Variants in RTN1 observed in about 807,000 individuals in gnomAD.
RTN1 encodes reticulon-1.
RTN1 carries 25 observed loss-of-function variants against 65.5 expected under a neutral mutation model. That is an observed-to-expected ratio of 0.38 (90% CI 0.28 to 0.53). The LOEUF (loss-of-function observed/expected upper bound fraction) is 0.53, where lower values mean the gene tolerates loss of function less well. RTN1 is among the 20% of genes least tolerant of loss of function. RTN1 has a pLI of 0.79. For synonymous variants in RTN1, 471 were observed against 447.6 expected, an observed-to-expected ratio of 1.05 and a Z score of -0.66; for missense variants, 983 against 1,025.4, an observed-to-expected ratio of 0.96 and a Z score of 0.57.
At chr14:59,713,037 T>C (rs752656098) in intron 3 of RTN1, among the ~76,000 whole-genome samples, 2 of 152,130 alleles carry the variant, frequency 1.3e-5, no homozygotes, top group Non-Finnish European at 2.9e-5. Context: ...TTACCTAAAT[T>C]ATCTCAAATA....
At position 59,741,781 on chromosome 14, in the gene RTN1, C is replaced by T. The variant is rs1184720727; in HGVS notation, c.1015+3927G>A. Among the ~76,000 whole-genome samples, 4 of 152,180 alleles carry T rather than the reference C, an allele frequency of 2.6e-5. No homozygotes were observed. The East Asian group carries it at 7.7e-4, about 29-fold the overall frequency. On this transcript the variant is annotated intron_variant, in intron 2 of 8. Transcript: ENST00000267484. ...TTCTCATATAATACAGACTCAGGCC[C>T]TGTGCATTTGCTATTCCCCCACACC... is the stretch of plus-strand genomic sequence containing the variant.
chr14:59,605,488 CTCA>C lies in RTN1; in HGVS notation c.1989_1991del (p.Glu664del). On this transcript the variant is annotated inframe_deletion, in exon 5 of 9. Transcript: ENST00000267484. ...GAATCTGCTCCTGAGAAAGGGTGAT[CTCA>C]AGCTCCAAGTAGGCCCTGTCAACAA... is the stretch of plus-strand genomic sequence containing the variant. The C allele has an allele frequency of 1.2e-6, 2 of 1,614,060 alleles. No individual in the cohort carries two copies. Among genetic ancestry groups the C allele is most frequent in the South Asian group, 1.1e-5 (1 of 91,042 alleles).
At chr14:59,684,356 T>A (rs371380707) in intron 3 of RTN1, among the ~76,000 whole-genome samples, 7 of 152,192 alleles carry the variant, frequency 4.6e-5, no homozygotes, top group African/African-American at 1.7e-4. Flanking sequence ...TTATACAATT[T>A]ACATATTTTT....
In RTN1 at chr14:59,825,611, C is replaced by T. The variant is rs1887017244; in HGVS notation, c.241+44779G>A. Reference sequence around the variant, plus strand: ...AGCAGGGCCTTCTCCCAGAAGCACCCCTGCTGGAAGGCCAGCCTAGTGCCA... The same window carrying T: ...AGCAGGGCCTTCTCCCAGAAGCACCTCTGCTGGAAGGCCAGCCTAGTGCCA... On this transcript the variant is annotated intron_variant, in intron 1 of 8. Transcript: ENST00000267484. The surrounding 1 kb of genome is among the most constrained non-coding windows in gnomAD (Gnocchi z 4.2). 6.6e-6 allele frequency among the ~76,000 whole-genome samples: 1 copy of T among 152,224 alleles called. No homozygotes were observed. Among genetic ancestry groups the T allele is most frequent in the African/African-American group, 2.4e-5 (1 of 41,450 alleles).
rs1437528670 is a variant in RTN1 at position 59,749,214 on chromosome 14, A to C, written c.242-2733T>G. Among the ~76,000 whole-genome samples, 2 of 89,264 alleles carry C rather than the reference A, an allele frequency of 2.2e-5. 1 individual carries two copies. The highest frequency in any genetic ancestry group is 1.7e-4 in the African/African-American group (2 of 12,102). 58.6% of individuals were successfully genotyped at this position (89,264 alleles called of 152,430 possible). A position where few individuals can be genotyped will look rare whatever the true frequency, so the allele number is the denominator to read the frequency against. ...TATATATATCTATATATATATCTAT[A>C]TATATCTATATATCTATATATATCT... On this transcript the variant is annotated intron_variant, in intron 1 of 8. Transcript: ENST00000267484.
At chr14:59,677,799 T>C (rs1883659123) in intron 3 of RTN1, among the ~76,000 whole-genome samples, 1 of 152,172 alleles carries the variant, frequency 6.6e-6, no homozygotes, top group Non-Finnish European at 1.5e-5. Context: ...AACTCAGGAA[T>C]CATGACCTCA....
chr14:59,722,699 C>A (rs1275528192), intron 3 of RTN1, among the ~76,000 whole-genome samples: 1 of 150,586 alleles, frequency 6.6e-6, no homozygotes, highest in African/African-American at 2.4e-5. Flanking sequence ...TAAAGAAATT[C>A]TTGAAGAACA....
At chr14:59,764,322 A>G (rs1400074664) in intron 1 of RTN1, among the ~76,000 whole-genome samples, 1 of 151,162 alleles carries the variant, frequency 6.6e-6, no homozygotes, top group Non-Finnish European at 1.5e-5. Context: ...GTGAAGTGCT[A>G]CTTTTTTTTT....
chr14:59,770,378 C>CAAAAAAAAAAAAAA (rs774086177), intron 1 of RTN1, among the ~76,000 whole-genome samples: 1 of 53,752 alleles, frequency 1.9e-5, no homozygotes. Context: ...AACTCTGCCT[C>CAAAAAAAAAAAAAA]AAAAAAAAAA....
At chr14:59,704,847 G>A (rs190072703) in intron 3 of RTN1, among the ~76,000 whole-genome samples, 6 of 152,192 alleles carry the variant, frequency 3.9e-5, no homozygotes, top group South Asian at 2.1e-4. Flanking sequence ...GACCATAGAC[G>A]TATCATTTTG....
chr14:59,842,121 A>G (rs1044463091), intron 1 of RTN1, among the ~76,000 whole-genome samples: 1 of 151,746 alleles, frequency 6.6e-6, no homozygotes, highest in African/African-American at 2.4e-5. Flanking sequence ...GCAAGACTCC[A>G]TTCTTGAAAA....
chr14:59,756,211 G>A (rs1885633498), intron 1 of RTN1, among the ~76,000 whole-genome samples: 1 of 152,174 alleles, frequency 6.6e-6, no homozygotes, highest in Non-Finnish European at 1.5e-5. Flanking sequence ...TTGGAATCAT[G>A]TTTTGGATTT....
chr14:59,727,435 A>G lies in RTN1; in HGVS notation c.1249T>C (p.Ser417Pro), dbSNP rs1369109260. 1 of 1,554,624 alleles carries G rather than the reference A, an allele frequency of 6.4e-7. No individual in the cohort carries two copies. Among genetic ancestry groups the G allele is most frequent in the Non-Finnish European group, 8.7e-7 (1 of 1,149,976 alleles). The stretch of plus-strand genomic sequence containing the variant: ...TCCTCCGCGGCCATGGGGTCCTCGG[A>G]CACCAGCTCGATCTCTGAGTCCCCC... ...ESGDSEIELV[S>P]EDPMAAEDAL... Residue 417 changes from serine (S) to proline (P), a missense_variant, in exon 3 of 9, where the codon TCC (serine) becomes CCC (proline). This residue lies in a region of RTN1 where 818 missense variants were observed against 801.8 expected (regional missense o/e 1.02). Coordinates refer to ENST00000267484, the MANE Select transcript of RTN1 (RefSeq NM_021136.3). The surrounding 1 kb of genome is among the most constrained non-coding windows in gnomAD (Gnocchi z 4.2).
chr14:59,597,795 A>G (rs1332982872), intron 8 of RTN1, among the ~76,000 whole-genome samples: 1 of 152,186 alleles, frequency 6.6e-6, no homozygotes, highest in East Asian at 1.9e-4. Flanking sequence ...CCATCAGGCA[A>G]AGATCTGGAT....
intron 2 of RTN1, among the ~76,000 whole-genome samples, chr14:59,742,876 A>G (rs769133970): frequency 1.2e-4 from 18 of 152,206 alleles, no homozygotes; most frequent in Non-Finnish European, 2.4e-4. Context: ...AGGGGTCATA[A>G]GAAGATGGGA....
At chr14:59,796,450 C>T (rs1886441602) in intron 1 of RTN1, among the ~76,000 whole-genome samples, 1 of 152,112 alleles carries the variant, frequency 6.6e-6, no homozygotes. Flanking sequence ...TTATTTAAAA[C>T]CTTCAGTGAC....
At chr14:59,630,358 C>T (rs1168592397) in intron 3 of RTN1, 2 of 1,557,860 alleles carry the variant, frequency 1.3e-6, no homozygotes, top group East Asian at 4.5e-5. Flanking sequence ...TGCACAGGTC[C>T]CACAGGTGAA....
chr14:59,648,510 T>C (rs1294767295), intron 3 of RTN1, among the ~76,000 whole-genome samples: 3 of 152,102 alleles, frequency 2.0e-5, no homozygotes, highest in African/African-American at 7.2e-5. Flanking sequence ...CCCCATATCC[T>C]TGATGAACAC....
At chr14:59,606,127 T>TATATATATATATATA (rs1566658130) in intron 4 of RTN1, 15 of 45,336 alleles carry the variant, frequency 3.3e-4, no homozygotes, top group African/African-American at 5.4e-4. Flanking sequence ...TATATATATA[T>TATATATATATATATA]CATACCAGCT....
Sources: gnomAD v4.1 joint callset for allele counts (sites outside exome capture counted in the v4.1 genomes callset) on GRCh38, gnomAD v4.1.1 for gene constraint, gnomAD v4.1.1 regional missense constraint, Gnocchi (gnomAD v3.1) non-coding constraint, MANE v1.5 for transcripts, NCBI Gene and HGNC (gene_info 2026-07-23, HGNC 2026-07-21) for gene names.